EVC: variants seen among roughly 807,000 people sequenced by gnomAD.
EVC encodes EvC ciliary complex subunit 1, also known as evC complex member EVC.
A neutral mutation model predicts 118.9 loss-of-function variants in EVC; 116 were observed. That is an observed-to-expected ratio of 0.98 (90% CI 0.84 to 1.14). EVC has a LOEUF of 1.14. Ranked by LOEUF, EVC falls within the 50% of genes most tolerant of loss-of-function variation. The pLI, the probability that EVC is intolerant of heterozygous loss-of-function variation, is 0.00. For synonymous variants in EVC, 619 were observed against 534.7 expected, an observed-to-expected ratio of 1.16 and a Z score of -2.18; for missense variants, 1,401 against 1,246.4, an observed-to-expected ratio of 1.12 and a Z score of -1.87.
intron 11 of EVC, among the ~76,000 whole-genome samples, chr4:5,767,902 C>G (rs1370202983): frequency 6.6e-6 from 1 of 152,200 alleles, no homozygotes; most frequent in Non-Finnish European, 1.5e-5. Context: ...GGAGCTGTTC[C>G]TATTCGGCCA....
rs1730618149 is a variant in EVC at position 5,752,973 on chromosome 4, G to A, written c.1236G>A (p.Lys412=). ...TGGAGCTGCTGGCTGGTGAGGGGAA[G>A]CTGTCCGGGCGGCAGAAGGAGGAGC... ...HGLELLAGEG[K]LSGRQKEELL... is the part of the protein sequence containing the mutation. The change falls in exon 9 of 21, where the codon AAG becomes AAA. Residue 412 remains lysine (K), a synonymous_variant. Transcript: ENST00000264956. 6.2e-7 allele frequency: 1 copy of A among 1,613,706 alleles called. No homozygotes were observed. The highest frequency in any genetic ancestry group is 8.5e-7 in the Non-Finnish European group (1 of 1,179,930).
At chr4:5,733,707 C>G (rs895689636) in intron 5 of EVC, among the ~76,000 whole-genome samples, 2 of 152,126 alleles carry the variant, frequency 1.3e-5, no homozygotes, top group African/African-American at 4.8e-5. Flanking sequence ...ACACCTCCTG[C>G]TGGAGATAGA....
rs149927189 is a variant in EVC, at chr4:5,733,950, G to A, written c.702+515G>A. Among the ~76,000 whole-genome samples the A allele has an allele frequency of 1.7e-3, 252 of 152,224 alleles. 1 individual carries two copies. The highest frequency in any genetic ancestry group is 5.9e-3 in the African/African-American group (244 of 41,540). On this transcript the variant is annotated intron_variant, in intron 5 of 20. Coordinates refer to ENST00000264956, the MANE Select transcript of EVC (RefSeq NM_153717.3). ...CCAAAGTTATAAAGCTGCAGGAGTGGCACTGAGATGAGAAGTTCAGTACCT... is the reference window on the plus strand; with the variant it reads ...CCAAAGTTATAAAGCTGCAGGAGTGACACTGAGATGAGAAGTTCAGTACCT...
intron 8 of EVC, among the ~76,000 whole-genome samples, chr4:5,748,998 T>C (rs1257820367): frequency 6.6e-6 from 1 of 151,350 alleles, no homozygotes; most frequent in Non-Finnish European, 1.5e-5. Flanking sequence ...GGCATTGGGG[T>C]TTTTAGAGCT....
chr4:5,779,450 A>G (rs1469634641), intron 11 of EVC, among the ~76,000 whole-genome samples: 5 of 149,764 alleles, frequency 3.3e-5, no homozygotes, highest in African/African-American at 1.0e-4. Flanking sequence ...CATTTTCACG[A>G]TATTGATTCT....
At chr4:5,826,048 A>G in the EVC span, 3 of 292,828 alleles carry the variant, frequency 1.0e-5, no homozygotes, top group Non-Finnish European at 1.9e-5. Context: ...TCACAAAGGC[A>G]TACTCACATA....
intron 2 of EVC, among the ~76,000 whole-genome samples, chr4:5,723,360 G>A (rs561897269): frequency 6.6e-6 from 1 of 151,750 alleles, no homozygotes; most frequent in African/African-American, 2.4e-5. Flanking sequence ...CAGCTAATTT[G>A]TGTATTTTTT....
the EVC span, chr4:5,824,386 C>A: frequency 1.0e-6 from 1 of 985,344 alleles, no homozygotes; most frequent in Non-Finnish European, 1.2e-6. Flanking sequence ...ATGGGGAGGC[C>A]TCCTTGATTC....
chr4:5,821,727 A>C, the EVC span: 1 of 1,559,974 alleles, frequency 6.4e-7, no homozygotes, highest in Non-Finnish European at 8.7e-7. The surrounding 1 kb of genome is among the most constrained non-coding windows in gnomAD (Gnocchi z 4.4). Context: ...GATTCCCAGA[A>C]TCCTTCAGGC....
At chr4:5,828,657 G>A in the EVC span, 1 of 1,613,830 alleles carries the variant, frequency 6.2e-7, no homozygotes, top group African/African-American at 1.3e-5. Context: ...CGAAGATGTT[G>A]TACTCCACCG....
chr4:5,716,166 C>G (rs1184801291), intron 1 of EVC, among the ~76,000 whole-genome samples: 4 of 152,202 alleles, frequency 2.6e-5, no homozygotes, highest in Non-Finnish European at 4.4e-5. Context: ...GTGCACCAAG[C>G]CAGGAGGACT....
At chr4:5,758,818 GCTT>G (rs1353554426) in intron 11 of EVC, among the ~76,000 whole-genome samples, 1 of 152,172 alleles carries the variant, frequency 6.6e-6, no homozygotes, top group Non-Finnish European at 1.5e-5. Flanking sequence ...GTGAAACCTC[GCTT>G]CTTGTGTTTT....
intron 11 of EVC, among the ~76,000 whole-genome samples, chr4:5,780,428 G>A (rs1179350528): frequency 2.0e-5 from 3 of 152,148 alleles, no homozygotes; most frequent in African/African-American, 7.2e-5. Context: ...TGTTCCAGTT[G>A]CTCATCTTCT....
chr4:5,716,369 A>T (rs1349430685), intron 1 of EVC, among the ~76,000 whole-genome samples: 1 of 152,140 alleles, frequency 6.6e-6, no homozygotes, highest in Non-Finnish European at 1.5e-5. Context: ...AGATTCAAAG[A>T]TTTTCTGATT....
the EVC span, chr4:5,824,871 C>G: frequency 1.0e-6 from 1 of 985,398 alleles, no homozygotes; most frequent in Non-Finnish European, 1.2e-6. Flanking sequence ...CACCAAATCA[C>G]AGATACACTG....
At chr4:5,783,369 G>A (rs1735924411) in intron 11 of EVC, among the ~76,000 whole-genome samples, 183 bp from the exon 12 acceptor site, 1 of 152,148 alleles carries the variant, frequency 6.6e-6, no homozygotes, top group African/African-American at 2.4e-5. Context: ...AAGTGTGTGT[G>A]CATGTGGGGG....
In EVC at chr4:5,804,933, G is replaced by C; in HGVS notation, c.2561+92G>C. On this transcript the variant is annotated intron_variant, in intron 17 of 20. Coordinates refer to ENST00000264956, the MANE Select transcript of EVC (RefSeq NM_153717.3). ...TGGTGCCGTCAGCAGGTGCCGTCGCGTGCATTGCCCGTGGACTTGGGGGCC... is the reference window on the plus strand; with the variant it reads ...TGGTGCCGTCAGCAGGTGCCGTCGCCTGCATTGCCCGTGGACTTGGGGGCC... 12 of 1,145,784 alleles carry C rather than the reference G, an allele frequency of 1.0e-5. No homozygotes were observed. The South Asian group carries it at 1.3e-4, about 12-fold the overall frequency. The allele number at this position is 1,145,784 out of a possible 1,614,324, so 71.0% of individuals were successfully genotyped here. A position where few individuals can be genotyped will look rare whatever the true frequency, so the allele number is the denominator to read the frequency against.
intron 11 of EVC, chr4:5,758,076 A>G (rs1480667157): frequency 2.8e-6 from 2 of 702,376 alleles, no homozygotes; most frequent in South Asian, 1.5e-5. Context: ...TGGTGTCCTT[A>G]TAAGAAGGCC....
intron 11 of EVC, among the ~76,000 whole-genome samples, chr4:5,765,804 C>T (rs1178841833): frequency 2.0e-5 from 3 of 150,340 alleles, no homozygotes; most frequent in Non-Finnish European, 3.0e-5. Context: ...TGTGTCTGCA[C>T]GTGAGATGGG....
Sources: gnomAD v4.1 joint callset for allele counts (sites outside exome capture counted in the v4.1 genomes callset) on GRCh38, gnomAD v4.1.1 for gene constraint, Gnocchi (gnomAD v3.1) non-coding constraint, MANE v1.5 for transcripts, NCBI Gene and HGNC (gene_info 2026-07-23, HGNC 2026-07-21) for gene names.